XKR4: variants seen among roughly 807,000 people sequenced by gnomAD.
XKR4 encodes XK related 4, also known as XK-related protein 4.
Under a neutral mutation model 53.9 loss-of-function variants are expected in XKR4, and 12 were observed. That is an observed-to-expected ratio of 0.22 (90% CI 0.14 to 0.36). XKR4 has a LOEUF of 0.36. Ranked by LOEUF, XKR4 falls within the 10% of genes least tolerant of loss-of-function variation. The probability of loss-of-function intolerance (pLI) is 1.00; values close to 1 mark genes in which losing one functional copy is unlikely to be tolerated. For missense variants in XKR4, 799 were observed against 859.5 expected, an observed-to-expected ratio of 0.93 and a Z score of 0.88; for synonymous variants, 354 against 362.4, an observed-to-expected ratio of 0.98 and a Z score of 0.26.
intron 2 of XKR4, chr8:55,452,302 T>G (rs963945988): frequency 3.1e-6 from 2 of 644,124 alleles, no homozygotes; most frequent in African/African-American, 1.8e-5. Flanking sequence ...TTCTCCTTGG[T>G]CAGCGCGGCC....
chr8:55,487,795 AC>A (rs1316991406), intron 2 of XKR4, among the ~76,000 whole-genome samples: 4 of 152,156 alleles, frequency 2.6e-5, no homozygotes, highest in Non-Finnish European at 4.4e-5. Flanking sequence ...TCAAAATGAC[AC>A]CTAAAATTAA....
chr8:55,430,472 A>T (rs1805085550), intron 2 of XKR4, among the ~76,000 whole-genome samples: 2 of 152,250 alleles, frequency 1.3e-5, no homozygotes, highest in South Asian at 4.1e-4. Context: ...ATGCTAGATT[A>T]TACAAATACT....
At chr8:55,515,202 C>T (rs963101093) in intron 2 of XKR4, among the ~76,000 whole-genome samples, 5 of 152,022 alleles carry the variant, frequency 3.3e-5, no homozygotes, top group African/African-American at 1.2e-4. Context: ...AATGGATTAC[C>T]AAAAGAAAGT....
intron 1 of XKR4, among the ~76,000 whole-genome samples, chr8:55,227,343 T>C (rs73682914): frequency 0.021 from 3,171 of 152,320 alleles, 115 homozygotes; most frequent in African/African-American, 0.071. Flanking sequence ...CATGGTTTCA[T>C]TCTATAAAGA....
chr8:55,509,404 T>C (rs2129404434), intron 2 of XKR4, among the ~76,000 whole-genome samples: 1 of 152,326 alleles, frequency 6.6e-6, no homozygotes, highest in East Asian at 1.9e-4. Context: ...TCACTGGTTC[T>C]GTCAGTAAAT....
intron 1 of XKR4, among the ~76,000 whole-genome samples, chr8:55,210,414 T>C (rs1048424454): frequency 6.6e-6 from 1 of 152,182 alleles, no homozygotes; most frequent in Non-Finnish European, 1.5e-5. Flanking sequence ...TCTGGTCTTG[T>C]AATTTGCATT....
At position 55,540,039 on chromosome 8, in the gene XKR4, GC is replaced by G. The variant is rs1334758477; in HGVS notation, c.*15813del. 6.6e-6 allele frequency: 1 copy of G among 152,162 alleles called. No individual in the cohort carries two copies. Among genetic ancestry groups the G allele is most frequent in the Non-Finnish European group, 1.5e-5 (1 of 68,034 alleles). The allele number at this position is 152,162 out of a possible 1,614,324, so 9.4% of individuals were successfully genotyped here. ...GAGACAACATGTACTTGAGATATAA[GC>G]TATACATCTCATCACTGGAAGAAAG... On this transcript the variant is annotated 3_prime_UTR_variant, in exon 3 of 3. Coordinates refer to ENST00000327381, the MANE Select transcript of XKR4 (RefSeq NM_052898.2).
chr8:55,448,993 C>A (rs1201920420), intron 2 of XKR4, among the ~76,000 whole-genome samples: 1 of 151,764 alleles, frequency 6.6e-6, no homozygotes, highest in Non-Finnish European at 1.5e-5. Flanking sequence ...TCCAGTAGCC[C>A]TAAAATCCAA....
intron 1 of XKR4, among the ~76,000 whole-genome samples, chr8:55,212,373 C>T (rs12114988): frequency 0.78 from 119,359 of 152,114 alleles, 49,103 homozygotes; most frequent in Non-Finnish European, 0.92. Flanking sequence ...CAAAGAAATA[C>T]ATTTTGGAGT....
intron 2 of XKR4, among the ~76,000 whole-genome samples, chr8:55,443,556 A>C (rs1398248477): frequency 7.9e-6 from 1 of 126,980 alleles, no homozygotes; most frequent in Admixed American, 8.4e-5. Flanking sequence ...AAAAAAAAAA[A>C]CAGAAGGAGG....
intron 2 of XKR4, among the ~76,000 whole-genome samples, chr8:55,502,085 T>G (rs1806448509): frequency 2.0e-5 from 3 of 152,194 alleles, no homozygotes; most frequent in Admixed American, 6.5e-5. Context: ...GTCTGTACAT[T>G]TTGAGTACAG....
chr8:55,404,922 G>A (rs536199447), intron 2 of XKR4, among the ~76,000 whole-genome samples: 2 of 152,300 alleles, frequency 1.3e-5, no homozygotes, highest in South Asian at 4.1e-4. Context: ...AAAGCGACAA[G>A]CACGGATTAC....
chr8:55,519,476 C>T (rs868208887), intron 2 of XKR4, among the ~76,000 whole-genome samples: 3 of 151,416 alleles, frequency 2.0e-5, no homozygotes, highest in Admixed American at 6.6e-5. Flanking sequence ...TTAGGAACAC[C>T]TTTTTTTTTC....
At chr8:55,221,525 A>T (rs1817880508) in intron 1 of XKR4, among the ~76,000 whole-genome samples, 2 of 152,190 alleles carry the variant, frequency 1.3e-5, no homozygotes, top group African/African-American at 4.8e-5. Context: ...GTCAAAGCCA[A>T]GGTGATCATC....
At chr8:55,463,067 G>A (rs961859789) in intron 2 of XKR4, among the ~76,000 whole-genome samples, 10 of 152,016 alleles carry the variant, frequency 6.6e-5, no homozygotes, top group Admixed American at 3.3e-4. Flanking sequence ...ACAGATCAAC[G>A]AGACAGAAAG....
chr8:55,493,022 T>C (rs775197420), intron 2 of XKR4, among the ~76,000 whole-genome samples: 4 of 152,150 alleles, frequency 2.6e-5, no homozygotes, highest in Non-Finnish European at 5.9e-5. Context: ...ACAATGACTC[T>C]TTGGGTCTGG....
At chr8:55,515,757 G>C (rs575794261) in intron 2 of XKR4, among the ~76,000 whole-genome samples, 1 of 152,298 alleles carries the variant, frequency 6.6e-6, no homozygotes, top group South Asian at 2.1e-4. Context: ...GCACCAATAT[G>C]GTTGCTACAG....
chr8:55,500,757 C>T (rs12549015), intron 2 of XKR4, among the ~76,000 whole-genome samples: 6,535 of 152,212 alleles, frequency 0.043, 536 homozygotes, highest in East Asian at 0.28. Context: ...TCTCATTTAA[C>T]CCTGCAAAAC....
chr8:55,176,134 A>G (rs1444145173), intron 1 of XKR4, among the ~76,000 whole-genome samples: 1 of 152,212 alleles, frequency 6.6e-6, no homozygotes, highest in Non-Finnish European at 1.5e-5. Context: ...CAAAGTGCAG[A>G]TCTATATTGT....
Sources: allele counts gnomAD v4.1 joint callset (sites outside exome capture counted in the v4.1 genomes callset), GRCh38; gene constraint gnomAD v4.1.1; transcripts MANE v1.5; gene names NCBI Gene and HGNC (gene_info 2026-07-23, HGNC 2026-07-21).